Variants in SH2B2 observed in about 807,000 individuals in gnomAD.
SH2B2 encodes the protein SH2B adaptor protein 2.
In SH2B2, 37 loss-of-function variants were observed where a neutral mutation model predicts 35.7. The ratio of observed to expected loss-of-function variants is 1.04; its 90% CI spans 0.80 to 1.36. SH2B2 has a LOEUF of 1.36. SH2B2 is among the 40% of genes most tolerant of loss of function. The pLI is 0.00. For synonymous variants in SH2B2, 383 were observed against 376.4 expected (o/e 1.02, Z -0.20); for missense variants, 852 against 817.7 (o/e 1.04, Z -0.51).
chr7:102,317,105 C>T (rs530740009), intron 6 of SH2B2, 82 bp from the exon 7 acceptor site: 14 of 1,132,146 alleles, frequency 1.2e-5, no homozygotes, highest in South Asian at 4.9e-5. Context: ...ACCAACAAGA[C>T]GTCACCTCTC....
At chr7:102,314,212 C>T in intron 4 of SH2B2, 124 bp from the exon 5 acceptor site, 1 of 397,716 alleles carries the variant, frequency 2.5e-6, no homozygotes, top group Non-Finnish European at 4.4e-6. Context: ...AGGGAGGTGA[C>T]CAGAGCCAGG....
intron 7 of SH2B2, among the ~76,000 whole-genome samples, chr7:102,317,820 C>T (rs782474646): frequency 5.9e-5 from 9 of 152,188 alleles, no homozygotes; most frequent in Non-Finnish European, 1.3e-4. Flanking sequence ...TCTGCCCCAC[C>T]GACCTCAGAC....
Position 102,300,642 on chromosome 7 carries a change from C to T in SH2B2, c.92C>T (p.Ala31Val). ...TGGCGGCAGTTCTGCGAGCTGCATG[C>T]GCAGGCGGCCGCCGTGGACTTTGCG... ...PDWRQFCELH[A>V]QAAAVDFAHK... is the part of the protein sequence containing the mutation. The change falls in exon 2 of 9, where the codon GCG becomes GTG. Residue 31 changes from alanine (A) to valine (V), a missense_variant. Ala to Val is a moderately conservative substitution (Grantham distance 64). Coordinates refer to ENST00000444095, the MANE Select transcript of SH2B2 (RefSeq NM_001359228.2). 1.3e-6 allele frequency: 2 copies of T among 1,549,578 alleles called. No homozygotes were observed. The highest frequency in any genetic ancestry group is 1.7e-6 in the Non-Finnish European group (2 of 1,145,454).
intron 7 of SH2B2, among the ~76,000 whole-genome samples, chr7:102,318,504 G>A (rs1793942158): frequency 6.6e-6 from 1 of 152,168 alleles, no homozygotes; most frequent in African/African-American, 2.4e-5. Context: ...GGTGCAATGT[G>A]GCCAGAGGGG....
chr7:102,306,860 G>A (rs782544988), intron 3 of SH2B2, 38 bp downstream of exon 3: 2 of 1,482,972 alleles, frequency 1.3e-6, no homozygotes, highest in South Asian at 2.4e-5. Flanking sequence ...TCCTCCAGCT[G>A]CCCCAGGCCA....
intron 8 of SH2B2, 85 bp from the exon 9 acceptor site, chr7:102,321,214 C>T: frequency 8.6e-7 from 1 of 1,165,972 alleles, no homozygotes; most frequent in Non-Finnish European, 1.1e-6. Flanking sequence ...GAGCGTGGGC[C>T]CTGGCCCCTT....
At chr7:102,307,249 G>A (rs917607025) in intron 3 of SH2B2, among the ~76,000 whole-genome samples, 3 of 152,234 alleles carry the variant, frequency 2.0e-5, no homozygotes, top group Admixed American at 1.3e-4. Flanking sequence ...GGCATCAAGG[G>A]GGGGCGGGGA....
rs1745717518 is a variant in SH2B2, at chr7:102,297,408, C to CAT, written c.-29-3113_-29-3112insTA. Among the ~76,000 whole-genome samples, 2 of 151,592 alleles carry CAT rather than the reference C, an allele frequency of 1.3e-5. No individual in the cohort carries two copies. The highest frequency in any genetic ancestry group is 4.8e-5 in the African/African-American group (2 of 41,276). On this transcript the variant is annotated intron_variant, in intron 1 of 8. Coordinates refer to ENST00000444095, the MANE Select transcript of SH2B2 (RefSeq NM_001359228.2). The surrounding 1 kb of genome is among the most constrained non-coding windows in gnomAD (Gnocchi z 4.3). ...GATCCCATCTCTACACACACACACA[C>CAT]ACACACACACACACACACACACGCA...
At chr7:102,317,123 A>G (rs911674762) in intron 6 of SH2B2, 64 bp from the exon 7 acceptor site, 8 of 1,323,704 alleles carry the variant, frequency 6.0e-6, no homozygotes, top group Non-Finnish European at 8.4e-6. Context: ...CTCTTCTCAC[A>G]TTTATTTATT....
chr7:102,302,380 G>A (rs1793228232), intron 2 of SH2B2, among the ~76,000 whole-genome samples: 1 of 152,220 alleles, frequency 6.6e-6, no homozygotes, highest in Non-Finnish European at 1.5e-5. Context: ...CCCCTGCCCA[G>A]GGGGTCCTTT....
At chr7:102,299,100 T>C (rs1793040476) in intron 1 of SH2B2, among the ~76,000 whole-genome samples, 1 of 149,978 alleles carries the variant, frequency 6.7e-6, no homozygotes, top group African/African-American at 2.5e-5. Context: ...GGGGTTTCAC[T>C]GTGTTAGCCA....
chr7:102,312,310 G>A (rs964363477), intron 4 of SH2B2, among the ~76,000 whole-genome samples: 14 of 152,146 alleles, frequency 9.2e-5, no homozygotes, highest in Admixed American at 2.6e-4. Flanking sequence ...GGGAGGCAGA[G>A]GTTGCAGTGA....
At chr7:102,306,539 C>G (rs1793405462) in intron 2 of SH2B2, among the ~76,000 whole-genome samples, 182 bp from the exon 3 acceptor site, 1 of 152,200 alleles carries the variant, frequency 6.6e-6, no homozygotes, top group Non-Finnish European at 1.5e-5. Context: ...AAATTTCTTT[C>G]TTGTTTCAAA....
chr7:102,301,370 C>T, intron 2 of SH2B2, 91 bp downstream of exon 2: 2 of 1,421,354 alleles, frequency 1.4e-6, no homozygotes, highest in Non-Finnish European at 9.3e-7. Context: ...CTTTGGGGAC[C>T]GCGTGGTCTA....
intron 1 of SH2B2, among the ~76,000 whole-genome samples, chr7:102,299,197 C>CTTTTTTTTTTTTTTGTTTTTTTTTTTTTT (rs1793048219): frequency 4.1e-5 from 1 of 24,630 alleles, no homozygotes; most frequent in Non-Finnish European, 6.9e-5. Context: ...CCGCGCCTGG[C>CTTTTTTTTTTTTTTGTTTTTTTTTTTTTT]TTTTTTTTTT....
intron 1 of SH2B2, among the ~76,000 whole-genome samples, chr7:102,299,641 G>A (rs1290695610): frequency 6.6e-6 from 1 of 152,144 alleles, no homozygotes; most frequent in Non-Finnish European, 1.5e-5. Flanking sequence ...CGGCAGCCTG[G>A]ACCTGGAGGA....
rs782198654 is a variant in SH2B2, at chr7:102,320,510, G to T, written c.1567+8G>T. ...CCCAGGACCCCCCACCAGGTAAGAT[G>T]CCGCCACCTGGCTGGTGTGATTACT... On this transcript the variant is annotated splice_region_variant and intron_variant, in intron 8 of 8. Coordinates refer to ENST00000444095, the MANE Select transcript of SH2B2 (RefSeq NM_001359228.2). 1 of 1,609,178 alleles carries T rather than the reference G, an allele frequency of 6.2e-7. No homozygotes were observed. Among genetic ancestry groups the T allele is most frequent in the East Asian group, 2.2e-5 (1 of 44,814 alleles).
chr7:102,321,301 C>G lies in SH2B2; in HGVS notation c.1570C>G (p.Pro524Ala), dbSNP rs782677602. The part of the protein sequence containing the change: ...YVRAQDPPPE[P>A]GPTPPAAPAS... ...GCCCTGCCGTCGCCTTGTTGCAGAG[C>G]CGGGCCCCACGCCCCCTGCCGCGCC... is the stretch of plus-strand genomic sequence containing the variant. The change falls in exon 9 of 9, where the codon CCG (proline) becomes GCG (alanine). Residue 524 changes from proline (P) to alanine (A), a missense_variant and splice_region_variant. Around this residue, in one of 3 missense-constraint regions of SH2B2, gnomAD observed 556 missense variants for 514.5 expected, o/e 1.08. Transcript: ENST00000444095. The G allele has an allele frequency of 1.2e-5, 17 of 1,394,864 alleles. No homozygotes were observed. The highest frequency in any genetic ancestry group is 1.5e-5 in the Non-Finnish European group (16 of 1,080,350). The allele number at this position is 1,394,864 out of a possible 1,614,324, so 86.4% of individuals were successfully genotyped here.
At chr7:102,306,628 T>G in intron 2 of SH2B2, 93 bp from the exon 3 acceptor site, 1 of 884,826 alleles carries the variant, frequency 1.1e-6, no homozygotes, top group Non-Finnish European at 1.9e-6. Flanking sequence ...GGCAGTCTAT[T>G]TGAGGGCCAC....
Sources: gnomAD v4.1 joint callset for allele counts (sites outside exome capture counted in the v4.1 genomes callset) on GRCh38, gnomAD v4.1.1 for gene constraint, gnomAD v4.1.1 regional missense constraint, Gnocchi (gnomAD v3.1) non-coding constraint, MANE v1.5 for transcripts, NCBI Gene and HGNC (gene_info 2026-07-23, HGNC 2026-07-21) for gene names.